Variants in KDM5C observed in about 807,000 individuals in gnomAD.
KDM5C encodes the protein lysine-specific demethylase 5C.
Under a neutral mutation model 110.6 loss-of-function variants are expected in KDM5C, and 16 were observed. The ratio of observed to expected loss-of-function variants is 0.14; its 90% confidence interval spans 0.10 to 0.22. KDM5C has a LOEUF of 0.22. KDM5C is among the 10% of genes least tolerant of loss of function. The pLI is 1.00. For synonymous variants in KDM5C, 511 were observed against 520.4 expected (o/e 0.98, Z 0.24); for missense variants, 681 against 1,300.9 (o/e 0.52, Z 7.33).
chrX:53,191,659 G>A (rs192948210), downstream of KDM5C: 4 of 172,625 alleles, frequency 2.3e-5, no homozygotes, highest in Admixed American at 1.6e-4. Flanking sequence ...CAGTAGATGG[G>A]TTAGACAGGA....
At chrX:53,216,263 C>T in intron 5 of KDM5C, 66 bp from the exon 6 acceptor site, 3 of 1,182,033 alleles carry the variant, frequency 2.5e-6, no homozygotes, top group Non-Finnish European at 3.4e-6. Context: ...CCTAAAAGAA[C>T]AGTAACTCGG....
chrX:53,219,683 TA>T (rs781797868), intron 2 of KDM5C, among the ~76,000 whole-genome samples: 12 of 112,427 alleles, frequency 1.1e-4, no homozygotes, highest in Non-Finnish European at 2.1e-4. Flanking sequence ...TGAGAAAAAC[TA>T]AGGTCTATTT....
intron 5 of KDM5C, among the ~76,000 whole-genome samples, chrX:53,216,622 G>C (rs1167737842): frequency 8.9e-6 from 1 of 111,733 alleles, no homozygotes; most frequent in African/African-American, 3.3e-5. Context: ...AGAATGCCTG[G>C]CACATAAGCT....
In KDM5C at chrX:53,193,057, C is replaced by T. The variant is rs1934538355; in HGVS notation, c.4593G>A (p.Gly1531=). The T allele has an allele frequency of 8.3e-7, 1 of 1,206,639 alleles. No homozygotes were observed. The highest frequency in any genetic ancestry group is 1.1e-6 in the Non-Finnish European group (1 of 893,047). ...ENQNGLEPAE[G]TTSGPSAPFS... is the part of the protein sequence containing the mutation. Reference sequence around the variant, plus strand: ...AAGGGGCCGAGGGGCCTGAAGTGGTCCCTTCCGCCGGTTCCAAGCCATTCT... The same window carrying T: ...AAGGGGCCGAGGGGCCTGAAGTGGTTCCTTCCGCCGGTTCCAAGCCATTCT... Residue 1531 remains glycine (G), a synonymous_variant, in exon 26 of 26, where the codon GGG becomes GGA. Transcript: ENST00000375401.
Position 53,216,060 on chromosome X carries a change from C to A in KDM5C, c.781+14G>T. The stretch of plus-strand genomic sequence containing the variant: ...TCTCCCCAGGTGAGGCCACCCCAGC[C>A]TGTTAGGCCTTACCTTTCTTCCGCA... On this transcript the variant is annotated intron_variant, in intron 6 of 25. Transcript: ENST00000375401. 8.2e-7 allele frequency: 1 copy of A among 1,212,486 alleles called. No homozygotes were observed. Among genetic ancestry groups the A allele is most frequent in the Non-Finnish European group, 1.1e-6 (1 of 895,666 alleles).
chrX:53,219,320 GC>G (rs1223720077), intron 2 of KDM5C, among the ~76,000 whole-genome samples: 20 of 112,648 alleles, frequency 1.8e-4, no homozygotes, highest in Admixed American at 5.6e-4. Context: ...CTCCAAAAAG[GC>G]ACATGCACCT....
chrX:53,181,812 G>A (rs782800184), intron 25 of KDM5C, among the ~76,000 whole-genome samples: 91 of 107,736 alleles, frequency 8.4e-4, no homozygotes, highest in Middle Eastern at 4.8e-3. Flanking sequence ...TTTTTGAGAC[G>A]GAGTCTCGCT....
Position 53,207,810 on chromosome X carries a change from G to A in KDM5C, c.1746+2604C>T, listed in dbSNP as rs185764059. 3.3e-3 allele frequency among the ~76,000 whole-genome samples: 363 copies of A among 108,763 alleles called. 3 individuals carry two copies. The highest frequency in any genetic ancestry group is 0.012 in the African/African-American group (348 of 29,834). 94.4% of individuals were successfully genotyped at this position (108,763 alleles called of 115,157 possible). A position where few individuals can be genotyped will look rare whatever the true frequency, so the allele number is the denominator to read the frequency against. On this transcript the variant is annotated intron_variant, in intron 12 of 25. Coordinates refer to ENST00000375401, the MANE Select transcript of KDM5C (RefSeq NM_004187.5). ...CTAAAAATACAAAAATTAGCTGGGC[G>A]TGGTGGCGGGCAACTGTAATCCCAC... is the stretch of plus-strand genomic sequence containing the variant.
chrX:53,205,841 C>T, intron 12 of KDM5C, among the ~76,000 whole-genome samples: 1 of 111,743 alleles, frequency 8.9e-6, no homozygotes, highest in Admixed American at 9.5e-5. Context: ...ATGATCTAGT[C>T]CCAGGCTTAG....
Position 53,192,869 on chromosome X carries a change from A to AACCC in KDM5C, c.*97_*98insGGGT. The AACCC allele has an allele frequency of 1.7e-5, 3 of 179,857 alleles. No homozygotes were observed. Among genetic ancestry groups the AACCC allele is most frequent in the Non-Finnish European group, 2.7e-5 (3 of 112,528 alleles). The allele number at this position is 179,857 out of a possible 1,213,427, so 14.8% of individuals were successfully genotyped here. ...GGGTAGCAGGGATGGCCACCCCCCT[A>AACCC]CCCGCCCACCCCCCAAGAAGCAGGC... is the stretch of plus-strand genomic sequence containing the variant. On this transcript the variant is annotated 3_prime_UTR_variant, in exon 26 of 26. Coordinates refer to ENST00000375401, the MANE Select transcript of KDM5C (RefSeq NM_004187.5).
In KDM5C at chrX:53,194,972, G is replaced by A. The variant is rs147342936; in HGVS notation, c.3397C>T (p.Leu1133=). The change falls in exon 22 of 26, where the codon CTG becomes TTG. Residue 1133 remains leucine (L), a synonymous_variant. Coordinates refer to ENST00000375401, the MANE Select transcript of KDM5C (RefSeq NM_004187.5). ...CTGAGGTCCTGCGCAGACAGCCCCAGCAGCTCTGTGTCAGATTTGTACAAC... is the reference window on the plus strand; with the variant it reads ...CTGAGGTCCTGCGCAGACAGCCCCAACAGCTCTGTGTCAGATTTGTACAAC... ...LGLYKSDTEL[L]GLSAQDLRDP... 1.7e-6 allele frequency: 2 copies of A among 1,211,132 alleles called. No homozygotes were observed. Among genetic ancestry groups the A allele is most frequent in the African/African-American group, 1.7e-5 (1 of 57,747 alleles).
downstream of KDM5C, among the ~76,000 whole-genome samples, chrX:53,187,845 C>T (rs1241370207): frequency 9.1e-6 from 1 of 109,646 alleles, no homozygotes; most frequent in East Asian, 2.9e-4. Flanking sequence ...CTGCAAACTC[C>T]GTCTCCCGGG....
At chrX:53,220,497 G>A (rs2073866707) in intron 2 of KDM5C, among the ~76,000 whole-genome samples, 1 of 112,425 alleles carries the variant, frequency 8.9e-6, no homozygotes, top group South Asian at 3.6e-4. Flanking sequence ...CAAGGAAGAA[G>A]GGGTATCAGC....
Position 53,192,759 on chromosome X carries a change from G to C in KDM5C, c.*208C>G. On this transcript the variant is annotated 3_prime_UTR_variant, in exon 26 of 26. Coordinates refer to ENST00000375401, the MANE Select transcript of KDM5C (RefSeq NM_004187.5). ...TGGTTAGAGGCTACCAGGGAGGGAA[G>C]ACTCCAGGGGCCGGCCCCCAGGAGC... 8.7e-7 allele frequency: 1 copy of C among 1,155,219 alleles called. No homozygotes were observed. Among genetic ancestry groups the C allele is most frequent in the Non-Finnish European group, 1.2e-6 (1 of 866,923 alleles).
chrX:53,200,584 G>A (rs1038999094), intron 14 of KDM5C, among the ~76,000 whole-genome samples: 38 of 111,551 alleles, frequency 3.4e-4, no homozygotes, highest in Admixed American at 1.6e-3. Flanking sequence ...CTTACACCAC[G>A]ACTGAGAGGC....
At chrX:53,211,029 C>A (rs1476783752) in intron 10 of KDM5C, among the ~76,000 whole-genome samples, 172 bp from the exon 11 acceptor site, 3 of 111,810 alleles carry the variant, frequency 2.7e-5, no homozygotes, top group Non-Finnish European at 5.6e-5. Flanking sequence ...AGCATACACA[C>A]AAAATTTCAA....
intron 2 of KDM5C, among the ~76,000 whole-genome samples, chrX:53,220,257 C>T (rs1043182806): frequency 2.7e-5 from 3 of 111,621 alleles, no homozygotes; most frequent in Non-Finnish European, 3.8e-5. Context: ...AAAAACCCCA[C>T]CTGTCCATGA....
chrX:53,211,699 T>C (rs1333637670), intron 9 of KDM5C, 44 bp from the exon 10 acceptor site: 1 of 1,207,870 alleles, frequency 8.3e-7, no homozygotes, highest in African/African-American at 1.7e-5. Flanking sequence ...CATCACACCC[T>C]GGACCCACTG....
chrX:53,188,567 G>A (rs782478871), downstream of KDM5C, among the ~76,000 whole-genome samples: 3 of 110,313 alleles, frequency 2.7e-5, no homozygotes, highest in Admixed American at 9.7e-5. Flanking sequence ...TAGAGATGGG[G>A]TTTCTCCATG....
Sources: allele counts gnomAD v4.1 joint callset (sites outside exome capture counted in the v4.1 genomes callset), GRCh38; gene constraint gnomAD v4.1.1; transcripts MANE v1.5; gene names NCBI Gene and HGNC (gene_info 2026-07-23, HGNC 2026-07-21).